SLC49A4: variants seen among roughly 807,000 people sequenced by gnomAD.
The protein encoded by SLC49A4 is disrupted in renal cancer protein 2.
A neutral mutation model predicts 50.6 loss-of-function variants in SLC49A4; 36 were observed. The observed-to-expected ratio is 0.71, with a 90% confidence interval of 0.55 to 0.94. The LOEUF (loss-of-function observed/expected upper bound fraction) is 0.94. Ranked by LOEUF, SLC49A4 falls within the 40% of genes least tolerant of loss-of-function variation. SLC49A4 has a pLI of 0.00. For missense variants in SLC49A4, 503 were observed against 605.7 expected, an observed-to-expected ratio of 0.83 and a Z score of 1.78; for synonymous variants, 248 against 241.2, an observed-to-expected ratio of 1.03 and a Z score of -0.26.
chr3:122,821,134 G>A (rs950046608), intron 2 of SLC49A4, among the ~76,000 whole-genome samples: 12 of 152,146 alleles, frequency 7.9e-5, no homozygotes, highest in Non-Finnish European at 5.9e-5. Context: ...CTCCTCCTTC[G>A]CTTTCCACCA....
intron 6 of SLC49A4, among the ~76,000 whole-genome samples, chr3:122,857,229 T>C (rs1303023946): frequency 7.0e-6 from 1 of 143,218 alleles, no homozygotes; most frequent in African/African-American, 2.6e-5. Flanking sequence ...CATAACCTAT[T>C]ACAACAACAC....
In SLC49A4 at chr3:122,879,670, T is replaced by C. The variant is rs1429335050; in HGVS notation, c.*292T>C. 1.7e-5 allele frequency: 4 copies of C among 236,034 alleles called. No individual in the cohort carries two copies. In the East Asian group the frequency reaches 3.9e-4, roughly 23 times the overall value. 14.6% of individuals were successfully genotyped at this position (236,034 alleles called of 1,614,324 possible). A position where few individuals can be genotyped will look rare whatever the true frequency, so the allele number is the denominator to read the frequency against. On this transcript the variant is annotated 3_prime_UTR_variant, in exon 9 of 9. Coordinates refer to ENST00000261038, the MANE Select transcript of SLC49A4 (RefSeq NM_032839.3). Reference sequence around the variant, plus strand: ...AAAGCACTACCTAAGTAATTCTCTCTCTGTTTTGTGCCAGTGCTAAACTAC... The same window carrying C: ...AAAGCACTACCTAAGTAATTCTCTCCCTGTTTTGTGCCAGTGCTAAACTAC...
chr3:122,807,011 A>C (rs1165474555), intron 2 of SLC49A4, 61 bp downstream of exon 2: 22 of 1,019,714 alleles, frequency 2.2e-5, no homozygotes, highest in Non-Finnish European at 3.0e-5. Flanking sequence ...ATAAATTTTT[A>C]AGAAGATCAG....
chr3:122,847,045 G>T (rs755371192), intron 5 of SLC49A4, among the ~76,000 whole-genome samples: 2 of 152,144 alleles, frequency 1.3e-5, no homozygotes, highest in Non-Finnish European at 2.9e-5. Context: ...TGGAGTTCTG[G>T]CCCAGCCAGA....
intron 6 of SLC49A4, among the ~76,000 whole-genome samples, chr3:122,858,329 T>C (rs933759934): frequency 2.0e-5 from 3 of 152,240 alleles, no homozygotes; most frequent in African/African-American, 7.2e-5. Context: ...TGTTTTATTC[T>C]CTTATACCTT....
intron 3 of SLC49A4, among the ~76,000 whole-genome samples, chr3:122,828,794 TAAAA>T (rs1936571626): frequency 1.3e-5 from 2 of 152,188 alleles, no homozygotes; most frequent in South Asian, 4.1e-4. Context: ...AATGAGTAAA[TAAAA>T]CTGAACGCAG....
chr3:122,872,572 A>G lies in SLC49A4; in HGVS notation c.1296A>G (p.Leu432=), dbSNP rs150465069. 41 of 1,585,122 alleles carry G rather than the reference A, an allele frequency of 2.6e-5. No individual in the cohort carries two copies. Among genetic ancestry groups the G allele is most frequent in the Non-Finnish European group, 2.7e-5 (31 of 1,162,264 alleles). ...GTAATATGTTTATGGGAGTACTTTT[A>G]TTTTTTCTCACATTTTATCATACAG... ...FLSNMFMGVL[L]FFLTFYHTEL... The change falls in exon 8 of 9, where the codon TTA becomes TTG. Residue 432 remains leucine, a synonymous_variant. Coordinates refer to ENST00000261038, the MANE Select transcript of SLC49A4 (RefSeq NM_032839.3).
intron 8 of SLC49A4, among the ~76,000 whole-genome samples, chr3:122,873,097 G>A (rs755688306): frequency 2.2e-4 from 34 of 152,112 alleles, no homozygotes; most frequent in Admixed American, 1.3e-3. Context: ...CCAAGAGGCC[G>A]AATTGTTTAT....
intron 3 of SLC49A4, among the ~76,000 whole-genome samples, chr3:122,828,629 G>A (rs1936568979): frequency 6.6e-6 from 1 of 152,148 alleles, no homozygotes; most frequent in Admixed American, 6.5e-5. Flanking sequence ...GCCACACTCT[G>A]AAGAACTGTA....
intron 7 of SLC49A4, among the ~76,000 whole-genome samples, chr3:122,867,583 G>C (rs541311611): frequency 6.6e-6 from 1 of 152,312 alleles, no homozygotes; most frequent in South Asian, 2.1e-4. Flanking sequence ...TGTTATTGCT[G>C]TCTTGAGAAT....
chr3:122,796,740 G>A (rs1016180897), intron 1 of SLC49A4, among the ~76,000 whole-genome samples: 7 of 152,122 alleles, frequency 4.6e-5, no homozygotes, highest in African/African-American at 1.7e-4. Context: ...GTGAATTTGA[G>A]GCCTGGCGCA....
chr3:122,855,592 G>A (rs923943390), intron 5 of SLC49A4, among the ~76,000 whole-genome samples: 5 of 152,118 alleles, frequency 3.3e-5, no homozygotes, highest in Admixed American at 2.0e-4. Flanking sequence ...GGCAGCATTC[G>A]TAGATTGCTG....
intron 2 of SLC49A4, among the ~76,000 whole-genome samples, chr3:122,809,154 G>C (rs1936263469): frequency 6.6e-6 from 1 of 152,158 alleles, no homozygotes; most frequent in South Asian, 2.1e-4. Context: ...CAAAATAAAT[G>C]TTCAGTTTTG....
rs1937207728 is a variant in SLC49A4 at position 122,872,401 on chromosome 3, T to A, written c.1139-14T>A. On this transcript the variant is annotated splice_polypyrimidine_tract_variant and intron_variant, in intron 7 of 8. Coordinates refer to ENST00000261038, the MANE Select transcript of SLC49A4 (RefSeq NM_032839.3). ...CGCTAGTGTGAAACTAAAATGTTTG[T>A]GTTTTTATTTTAGTGACATTGTATG... The A allele has an allele frequency of 1.9e-6, 3 of 1,595,230 alleles. No individual in the cohort carries two copies. The South Asian group carries it at 3.4e-5, about 18-fold the overall frequency.
intron 4 of SLC49A4, among the ~76,000 whole-genome samples, chr3:122,839,002 TAG>T (rs1936731714): frequency 6.6e-6 from 1 of 152,126 alleles, no homozygotes; most frequent in African/African-American, 2.4e-5. Context: ...TACAAGGGTA[TAG>T]TTACTAAAAC....
intron 8 of SLC49A4, among the ~76,000 whole-genome samples, chr3:122,876,495 C>T (rs1304562887): frequency 1.3e-5 from 2 of 152,052 alleles, no homozygotes; most frequent in African/African-American, 4.8e-5. Flanking sequence ...ATCTAAGAAG[C>T]AGAATAATGG....
intron 8 of SLC49A4, among the ~76,000 whole-genome samples, chr3:122,874,853 C>G (rs917184354): frequency 8.5e-5 from 13 of 152,236 alleles, no homozygotes; most frequent in Non-Finnish European, 1.8e-4. Context: ...CAGGGCACAG[C>G]TGGCACCCAC....
chr3:122,853,997 A>G (rs1369676647), intron 5 of SLC49A4, among the ~76,000 whole-genome samples: 2 of 152,236 alleles, frequency 1.3e-5, no homozygotes, highest in African/African-American at 4.8e-5. Flanking sequence ...AAGCAAGTAG[A>G]AAAGTACTAA....
intron 7 of SLC49A4, among the ~76,000 whole-genome samples, chr3:122,860,834 A>G (rs1191463607): frequency 1.3e-5 from 2 of 152,246 alleles, no homozygotes; most frequent in Non-Finnish European, 2.9e-5. Flanking sequence ...GAAATTTATT[A>G]TCTTACATTT....
Sources: allele counts gnomAD v4.1 joint callset (sites outside exome capture counted in the v4.1 genomes callset), GRCh38; gene constraint gnomAD v4.1.1; transcripts MANE v1.5; gene names NCBI Gene and HGNC (gene_info 2026-07-23, HGNC 2026-07-21).